Variants in ACSF3 observed in about 807,000 individuals in gnomAD.
ACSF3 encodes the protein malonate--CoA ligase ACSF3, mitochondrial.
Under a neutral mutation model 53.2 loss-of-function variants are expected in ACSF3, and 78 were observed. The observed-to-expected ratio is 1.47, with a 90% confidence interval of 1.22 to 1.77. ACSF3 has a LOEUF of 1.77. ACSF3 is among the 40% of genes most tolerant of loss of function. The probability of loss-of-function intolerance (pLI) is 0.00; values close to 1 mark genes in which losing one functional copy is unlikely to be tolerated. For synonymous variants in ACSF3, 414 were observed against 333.1 expected, an observed-to-expected ratio of 1.24 and a Z score of -2.65; for missense variants, 937 against 771.1, an observed-to-expected ratio of 1.22 and a Z score of -2.55.
At chr16:89,142,741 C>A (rs1567741895) in intron 8 of ACSF3, among the ~76,000 whole-genome samples, 1 of 150,478 alleles carries the variant, frequency 6.6e-6, no homozygotes, top group African/African-American at 2.4e-5. Flanking sequence ...ATAGACACAC[C>A]CACACCTGCA....
chr16:89,138,214 G>A (rs552961142), intron 8 of ACSF3, among the ~76,000 whole-genome samples: 14 of 152,344 alleles, frequency 9.2e-5, no homozygotes, highest in African/African-American at 2.6e-4. Context: ...CTGTGGTAAC[G>A]AGGTGGACGC....
intron 7 of ACSF3, among the ~76,000 whole-genome samples, chr16:89,132,116 G>C (rs1909456580): frequency 6.6e-6 from 1 of 152,266 alleles, no homozygotes; most frequent in South Asian, 2.1e-4. Context: ...CACGGCGTTT[G>C]AGCGCCCTTT....
intron 7 of ACSF3, among the ~76,000 whole-genome samples, chr16:89,130,175 T>G (rs1436051440): frequency 2.0e-5 from 3 of 152,256 alleles, no homozygotes; most frequent in Admixed American, 6.5e-5. Context: ...ACAAATTACC[T>G]TATTTTTCCT....
Position 89,101,124 on chromosome 16 carries a change from C to T in ACSF3, c.443C>T (p.Ala148Val), listed in dbSNP as rs1172420285. The T allele has an allele frequency of 6.2e-7, 1 of 1,614,054 alleles. No individual in the cohort carries two copies. Among genetic ancestry groups the T allele is most frequent in the African/African-American group, 1.3e-5 (1 of 75,044 alleles). Residue 148 changes from alanine to valine, a missense_variant, in exon 3 of 11, where the codon GCC becomes GTC. Transcript: ENST00000614302. ...GACTCCCAGAGCTCTGTGGTCCTTG[C>T]CAGCCAGGAGTACCTGGAGCTCCTG... ...ICDSQSSVVL[A>V]SQEYLELLSP... is the part of the protein sequence containing the mutation.
chr16:89,124,284 G>A (rs1026436028), intron 7 of ACSF3, among the ~76,000 whole-genome samples: 5 of 152,312 alleles, frequency 3.3e-5, no homozygotes, highest in East Asian at 1.9e-4. Context: ...GTCATAGGAC[G>A]AGGGGGCGCG....
Position 89,129,673 on chromosome 16 carries a change from C to T in ACSF3, c.1240-3463C>T, listed in dbSNP as rs75650772. ...TTTTACTATGTGTTTACTATTGTTC[C>T]CTGAGAGTTTTATTGCTCAACTTTA... On this transcript the variant is annotated intron_variant, in intron 7 of 10. Transcript: ENST00000614302. Among the ~76,000 whole-genome samples, 868 of 151,994 alleles carry T rather than the reference C, an allele frequency of 5.7e-3. 7 individuals carry two copies. Among genetic ancestry groups the T allele is most frequent in the African/African-American group, 0.02 (820 of 41,468 alleles).
At chr16:89,097,992 G>C (rs1974818389) in intron 1 of ACSF3, among the ~76,000 whole-genome samples, 1 of 152,048 alleles carries the variant, frequency 6.6e-6, no homozygotes, top group African/African-American at 2.4e-5. Context: ...AGAGCCCCAG[G>C]CTACCTGGGA....
rs375768113 is a variant in ACSF3 at position 89,125,214 on chromosome 16, G to C, written c.1239+4301G>C. On this transcript the variant is annotated intron_variant, in intron 7 of 10. Transcript: ENST00000614302. The stretch of plus-strand genomic sequence containing the variant: ...AAAAATTAGCCAGGCATGGTAGTGG[G>C]TGCCTGTAATCCCAGCTACTTGGGA... 5.9e-5 allele frequency among the ~76,000 whole-genome samples: 9 copies of C among 152,024 alleles called. No homozygotes were observed. The East Asian group carries it at 1.4e-3, about 23-fold the overall frequency.
intron 8 of ACSF3, 114 bp from the exon 9 acceptor site, chr16:89,145,153 T>G: frequency 6.2e-7 from 1 of 1,611,256 alleles, no homozygotes; most frequent in Non-Finnish European, 8.5e-7. Flanking sequence ...AGAGCCCCCT[T>G]TCCTCAGAGG....
Position 89,100,757 on chromosome 16 carries a change from C to T in ACSF3, c.76C>T (p.His26Tyr). Residue 26 changes from histidine to tyrosine, a missense_variant, in exon 3 of 11, where the codon CAC (histidine) becomes TAC (tyrosine). Coordinates refer to ENST00000614302, the MANE Select transcript of ACSF3 (RefSeq NM_001243279.3). ...LASCRLAPAR[H>Y]RGSGLLHTAP... The stretch of plus-strand genomic sequence containing the variant: ...GTCCTGCCGGCTGGCGCCTGCGAGA[C>T]ACAGAGGAAGTGGTCTTCTGCACAC... The T allele has an allele frequency of 1.2e-6, 2 of 1,608,336 alleles. No homozygotes were observed. Among genetic ancestry groups the T allele is most frequent in the South Asian group, 2.2e-5 (2 of 91,068 alleles).
chr16:89,139,223 G>C (rs1911244846), intron 8 of ACSF3, among the ~76,000 whole-genome samples: 1 of 152,126 alleles, frequency 6.6e-6, no homozygotes, highest in Non-Finnish European at 1.5e-5. Flanking sequence ...TGGTCTCCTG[G>C]TGCCAATTCC....
intron 8 of ACSF3, chr16:89,136,862 A>T (rs923314587): frequency 1.6e-6 from 2 of 1,275,692 alleles, no homozygotes; most frequent in African/African-American, 3.1e-5. Flanking sequence ...CGATGTCTTC[A>T]GACGTCAAAG....
intron 8 of ACSF3, among the ~76,000 whole-genome samples, chr16:89,142,286 C>G (rs545202043): frequency 5.3e-5 from 8 of 152,132 alleles, no homozygotes; most frequent in Non-Finnish European, 8.8e-5. Flanking sequence ...AGAAGCATCT[C>G]GGGGCAGAGG....
At chr16:89,102,897 C>T in intron 4 of ACSF3, 138 bp downstream of exon 4, 1 of 1,252,828 alleles carries the variant, frequency 8.0e-7, no homozygotes, top group Non-Finnish European at 1.1e-6. Flanking sequence ...CGCCCTCAGA[C>T]TAGGCATCTT....
intron 8 of ACSF3, chr16:89,136,435 CG>C: frequency 9.3e-7 from 1 of 1,070,618 alleles, no homozygotes; most frequent in Non-Finnish European, 1.2e-6. Context: ...AGGCCATTAG[CG>C]ATGCTGCTGC....
At chr16:89,114,653 G>C (rs1356287763) in intron 6 of ACSF3, 166 bp downstream of exon 6, 1 of 980,292 alleles carries the variant, frequency 1.0e-6, no homozygotes, top group Non-Finnish European at 1.5e-6. Context: ...ACTGCGACCT[G>C]TCCCCTCTGG....
At chr16:89,102,534 C>T (rs544290058) in intron 3 of ACSF3, 70 bp from the exon 4 acceptor site, 37 of 1,584,406 alleles carry the variant, frequency 2.3e-5, no homozygotes, top group Non-Finnish European at 2.9e-5. Context: ...TCCGTGAGCC[C>T]GAGGTCTGTG....
At position 89,100,846 on chromosome 16, in the gene ACSF3, C is replaced by T; in HGVS notation, c.165C>T (p.Asp55=). 1 of 1,613,592 alleles carries T rather than the reference C, an allele frequency of 6.2e-7. No homozygotes were observed. Among genetic ancestry groups the T allele is most frequent in the Non-Finnish European group, 8.5e-7 (1 of 1,180,034 alleles). Residue 55 remains aspartate (D), a synonymous_variant, in exon 3 of 11, where the codon GAC becomes GAT. Coordinates refer to ENST00000614302, the MANE Select transcript of ACSF3 (RefSeq NM_001243279.3). ...PVFTRALAFG[D]RIALVDQHGR... The stretch of plus-strand genomic sequence containing the variant: ...TCACCCGTGCCCTGGCCTTTGGGGA[C>T]AGAATCGCCCTGGTTGACCAGCACG...
chr16:89,102,342 C>T (rs569016668), intron 3 of ACSF3: 79 of 528,836 alleles, frequency 1.5e-4, no homozygotes, highest in Middle Eastern at 5.2e-4. Flanking sequence ...AGCCACTCCC[C>T]GACCTTCTAA....
Sources: gnomAD v4.1 joint callset for allele counts (sites outside exome capture counted in the v4.1 genomes callset) on GRCh38, gnomAD v4.1.1 for gene constraint, MANE v1.5 for transcripts, NCBI Gene and HGNC (gene_info 2026-07-23, HGNC 2026-07-21) for gene names.